The following PPAT variants were observed in gnomAD, a reference collection of about 807,000 sequenced individuals.
PPAT encodes phosphoribosyl pyrophosphate amidotransferase.
A neutral mutation model predicts 60.2 loss-of-function variants in PPAT; 20 were observed. That is an observed-to-expected ratio of 0.33 (90% CI 0.23 to 0.48). The LOEUF (loss-of-function observed/expected upper bound fraction) is 0.48, where lower values mean the gene tolerates loss of function less well. PPAT is among the 20% of genes least tolerant of loss of function. The pLI is 0.99. For missense variants in PPAT, 349 were observed against 629.6 expected (o/e 0.55, Z 4.77); for synonymous variants, 194 against 215.1 (o/e 0.90, Z 0.86).
intron 1 of PPAT, among the ~76,000 whole-genome samples, chr4:56,416,627 T>C (rs1363016457): frequency 6.6e-6 from 1 of 152,204 alleles, no homozygotes; most frequent in East Asian, 1.9e-4. Flanking sequence ...AAATTTAAGT[T>C]TCCTAGAAAT....
intron 1 of PPAT, among the ~76,000 whole-genome samples, chr4:56,417,835 G>GTTTTTTTTTTTTTT (rs1207160039): frequency 4.9e-5 from 5 of 102,512 alleles, no homozygotes; most frequent in African/African-American, 1.7e-4. Context: ...TGAAGATTTG[G>GTTTTTTTTTTTTTT]TTTTTTGTTT....
chr4:56,402,071 A>T, intron 6 of PPAT, 38 bp downstream of exon 6: 2 of 1,467,950 alleles, frequency 1.4e-6, no homozygotes, highest in Non-Finnish European at 1.9e-6. Context: ...TCTTTTCAAC[A>T]TGGGAAAATA....
chr4:56,431,568 A>C, intron 1 of PPAT: 1 of 953,010 alleles, frequency 1.0e-6, no homozygotes, highest in Non-Finnish European at 1.2e-6. Flanking sequence ...ATAAATTTTT[A>C]GAAGTATGAA....
rs187259761 is a variant in PPAT, at chr4:56,423,800, T to G, written c.128+11550A>C. Among the ~76,000 whole-genome samples, 38 of 152,150 alleles carry G rather than the reference T, an allele frequency of 2.5e-4. No individual in the cohort carries two copies. The East Asian group carries it at 4.4e-3, about 18-fold the overall frequency. The stretch of plus-strand genomic sequence containing the variant: ...GTCACATGAAAATTCAAAGCAAAGA[T>G]ATAAACCCACAAGGATCTCAGCAGC... On this transcript the variant is annotated intron_variant, in intron 1 of 10. Transcript: ENST00000264220.
intron 1 of PPAT, among the ~76,000 whole-genome samples, chr4:56,418,990 C>T (rs575658053): frequency 4.6e-5 from 7 of 152,302 alleles, no homozygotes; most frequent in East Asian, 3.9e-4. Context: ...CTGTAATTTT[C>T]GCAAGGCGTA....
chr4:56,425,799 T>C (rs1444623278), intron 1 of PPAT, among the ~76,000 whole-genome samples: 1 of 152,174 alleles, frequency 6.6e-6, no homozygotes, highest in Non-Finnish European at 1.5e-5. Context: ...TTGAGTTCCA[T>C]CTTGCAGCCA....
rs553701803 is a variant in PPAT at position 56,396,883 on chromosome 4, GTTT to G, written c.1237-147_1237-145del. 7 of 700,136 alleles carry G rather than the reference GTTT, an allele frequency of 1.0e-5. No individual in the cohort carries two copies. Among genetic ancestry groups the G allele is most frequent in the Non-Finnish European group, 1.4e-5 (7 of 487,450 alleles). 43.4% of individuals were successfully genotyped at this position (700,136 alleles called of 1,614,324 possible). A position where few individuals can be genotyped will look rare whatever the true frequency, so the allele number is the denominator to read the frequency against. ...ATTCTTTCTACAAAGCTGCTTCTTG[GTTT>G]TTTTTTTCTTTCACCTAATCATGAG... On this transcript the variant is annotated intron_variant, in intron 9 of 10. Coordinates refer to ENST00000264220, the MANE Select transcript of PPAT (RefSeq NM_002703.5). This position sits in a 1 kb window ranked among gnomAD's most constrained non-coding sequence, Gnocchi z 4.6.
chr4:56,397,734 A>C (rs1716010043), intron 9 of PPAT, among the ~76,000 whole-genome samples: 1 of 152,162 alleles, frequency 6.6e-6, no homozygotes, highest in African/African-American at 2.4e-5. Flanking sequence ...AAATTAAAAA[A>C]AAATTTTTTT....
chr4:56,435,226 T>G, intron 1 of PPAT, 124 bp downstream of exon 1: 6 of 1,403,848 alleles, frequency 4.3e-6, no homozygotes. Flanking sequence ...CACAGGCAGG[T>G]ACTGGCTTAG....
At chr4:56,431,175 A>T (rs1717565294) in intron 1 of PPAT, among the ~76,000 whole-genome samples, 1 of 152,234 alleles carries the variant, frequency 6.6e-6, no homozygotes, top group Admixed American at 6.5e-5. Flanking sequence ...GGAGTATAAA[A>T]GTTAAACACT....
At chr4:56,409,433 G>A (rs1290826611) in intron 1 of PPAT, among the ~76,000 whole-genome samples, 1 of 151,888 alleles carries the variant, frequency 6.6e-6, no homozygotes, top group African/African-American at 2.4e-5. Context: ...TTTTCCAAAT[G>A]TTCTCCAATA....
Position 56,394,347 on chromosome 4 carries a change from T to G in PPAT, c.*1005A>C, listed in dbSNP as rs1429667348. 1 of 152,162 alleles carries G rather than the reference T, an allele frequency of 6.6e-6. No individual in the cohort carries two copies. Among genetic ancestry groups the G allele is most frequent in the African/African-American group, 2.4e-5 (1 of 41,442 alleles). The allele number at this position is 152,162 out of a possible 1,614,324, so 9.4% of individuals were successfully genotyped here. On this transcript the variant is annotated 3_prime_UTR_variant, in exon 11 of 11. Transcript: ENST00000264220. ...ACTTGATCACTTAATTGCAATAATA[T>G]TTATGTGTATGTGTACATGTATATG... is the stretch of plus-strand genomic sequence containing the variant.
At chr4:56,422,867 A>AC (rs1717112927) in intron 1 of PPAT, 9 of 152,250 alleles carry the variant, frequency 5.9e-5, no homozygotes, top group Admixed American at 5.9e-4. Context: ...CAGCATCAGC[A>AC]TTAACTGAGA....
At chr4:56,399,654 T>C (rs1269499092) in intron 8 of PPAT, 4 of 303,484 alleles carry the variant, frequency 1.3e-5, no homozygotes, top group Admixed American at 4.7e-5. Flanking sequence ...AGTAAGCATA[T>C]GAAGACATGA....
intron 1 of PPAT, among the ~76,000 whole-genome samples, chr4:56,432,732 G>T (rs1241761044): frequency 6.6e-6 from 1 of 150,450 alleles, no homozygotes; most frequent in African/African-American, 2.4e-5. Context: ...TTGCAGTGAG[G>T]GGAGACTGCG....
At chr4:56,402,351 T>A (rs1716132884) in intron 5 of PPAT, among the ~76,000 whole-genome samples, 170 bp from the exon 6 acceptor site, 2 of 152,178 alleles carry the variant, frequency 1.3e-5, no homozygotes, top group Non-Finnish European at 2.9e-5. Context: ...ATAAAATAAA[T>A]GATCTTCTAA....
chr4:56,396,440 C>T lies in PPAT; in HGVS notation c.1357+179G>A, dbSNP rs1715969139. ...TGGCTTAGCTCTCCAACACAAGACT[C>T]TGTGGTGTCTGCCCATGCCCACTAC... On this transcript the variant is annotated intron_variant, in intron 10 of 10. Coordinates refer to ENST00000264220, the MANE Select transcript of PPAT (RefSeq NM_002703.5). This position sits in a 1 kb window ranked among gnomAD's most constrained non-coding sequence, Gnocchi z 4.6. 8 of 528,884 alleles carry T rather than the reference C, an allele frequency of 1.5e-5. No individual in the cohort carries two copies. The highest frequency in any genetic ancestry group is 3.9e-5 in the Admixed American group (1 of 25,896). 32.8% of individuals were successfully genotyped at this position (528,884 alleles called of 1,614,324 possible).
chr4:56,404,570 T>TA (rs1274962740), intron 3 of PPAT, among the ~76,000 whole-genome samples: 1 of 146,850 alleles, frequency 6.8e-6, no homozygotes, highest in South Asian at 2.2e-4. Flanking sequence ...AAGGTAAAGA[T>TA]AAAGTTTAGC....
At chr4:56,408,668 G>C (rs1186236115) in intron 1 of PPAT, among the ~76,000 whole-genome samples, 2 of 146,852 alleles carry the variant, frequency 1.4e-5, no homozygotes, top group Non-Finnish European at 3.0e-5. Context: ...GCAGGAGAAC[G>C]GCGTGAACCC....
Sources: gnomAD v4.1 joint callset for allele counts (sites outside exome capture counted in the v4.1 genomes callset) on GRCh38, gnomAD v4.1.1 for gene constraint, Gnocchi (gnomAD v3.1) non-coding constraint, MANE v1.5 for transcripts, NCBI Gene and HGNC (gene_info 2026-07-23, HGNC 2026-07-21) for gene names.